ZMYND11: variants seen among roughly 807,000 people sequenced by gnomAD.
The protein encoded by ZMYND11 is zinc finger MYND domain-containing protein 11.
In ZMYND11, 9 loss-of-function variants were observed where a neutral mutation model predicts 84.9. That is an observed-to-expected ratio of 0.11 (90% CI 0.06 to 0.18). ZMYND11 has a LOEUF of 0.18. ZMYND11 is among the 10% of genes least tolerant of loss of function. The pLI, the probability that ZMYND11 is intolerant of heterozygous loss-of-function variation, is 1.00. For missense variants in ZMYND11, 409 were observed against 761.0 expected, an observed-to-expected ratio of 0.54 and a Z score of 5.44; for synonymous variants, 250 against 244.1, an observed-to-expected ratio of 1.02 and a Z score of -0.23.
intron 14 of ZMYND11, among the ~76,000 whole-genome samples, chr10:251,625 G>C (rs1953514871): frequency 6.6e-6 from 1 of 152,152 alleles, no homozygotes; most frequent in Non-Finnish European, 1.5e-5. Flanking sequence ...TCTGTTCATG[G>C]TACTACTGTT....
chr10:193,802 T>C (rs1828986085), intron 2 of ZMYND11, among the ~76,000 whole-genome samples: 1 of 152,238 alleles, frequency 6.6e-6, no homozygotes, highest in South Asian at 2.1e-4. Context: ...TTGCCTGTTT[T>C]AGAATTTTAT....
chr10:236,821 T>TC lies in ZMYND11; in HGVS notation c.439-16dup, dbSNP rs1256734005. 1 of 1,593,560 alleles carries TC rather than the reference T, an allele frequency of 6.3e-7. No homozygotes were observed. The highest frequency in any genetic ancestry group is 1.1e-5 in the South Asian group (1 of 89,132). ...GATCAGATTTTGTACCTTTTTTTATTCTTTTTTTTTCAATAGAGCATTAAG... is the reference window on the plus strand; with the variant it reads ...GATCAGATTTTGTACCTTTTTTTATTCCTTTTTTTTTCAATAGAGCATTAAG... On this transcript the variant is annotated splice_polypyrimidine_tract_variant and intron_variant, in intron 4 of 14. Transcript: ENST00000381604.
intron 2 of ZMYND11, among the ~76,000 whole-genome samples, chr10:183,329 T>G (rs1564334907): frequency 6.6e-6 from 1 of 152,084 alleles, no homozygotes; most frequent in Non-Finnish European, 1.5e-5. Context: ...GTTTAACCTG[T>G]TGCTCAGTCC....
intron 2 of ZMYND11, among the ~76,000 whole-genome samples, chr10:196,158 T>C (rs1370148856): frequency 6.6e-6 from 1 of 152,242 alleles, no homozygotes; most frequent in Non-Finnish European, 1.5e-5. Context: ...TATTTCTCTT[T>C]TCTTCTACTG....
At chr10:157,276 T>C (rs1426526253) in intron 1 of ZMYND11, among the ~76,000 whole-genome samples, 1 of 152,190 alleles carries the variant, frequency 6.6e-6, no homozygotes, top group East Asian at 1.9e-4. Context: ...CTCGGCTCAC[T>C]GCAACCTCTG....
At chr10:145,148 A>G (rs1193673095) in intron 1 of ZMYND11, among the ~76,000 whole-genome samples, 4 of 150,366 alleles carry the variant, frequency 2.7e-5, no homozygotes, top group Non-Finnish European at 3.0e-5. Context: ...ATATATGTGT[A>G]TATATATATG....
At chr10:184,953 C>T (rs184658287) in intron 2 of ZMYND11, among the ~76,000 whole-genome samples, 15 of 151,980 alleles carry the variant, frequency 9.9e-5, no homozygotes, top group Admixed American at 3.9e-4. Flanking sequence ...CAACTGACTG[C>T]GGTAGTAGTT....
At position 205,968 on chromosome 10, in the gene ZMYND11, G is replaced by T. The variant is rs987320813; in HGVS notation, c.117-3921G>T. ...TGTATGTCTTCTGGACCTATTAAAG[G>T]TGTTTTTTTGGTGTCAGGATAAATC... On this transcript the variant is annotated intron_variant, in intron 2 of 14. Coordinates refer to ENST00000381604, the MANE Select transcript of ZMYND11 (RefSeq NM_001370100.5). 2.0e-5 allele frequency among the ~76,000 whole-genome samples: 3 copies of T among 148,944 alleles called. No individual in the cohort carries two copies. In the South Asian group the frequency reaches 6.4e-4, roughly 32 times the overall value.
intron 1 of ZMYND11, among the ~76,000 whole-genome samples, chr10:159,292 T>A (rs1208804831): frequency 1.3e-5 from 2 of 152,102 alleles, no homozygotes; most frequent in African/African-American, 4.8e-5. Context: ...TAAATGTATA[T>A]GTAATTTTGG....
At chr10:217,683 G>A (rs1280354652) in intron 3 of ZMYND11, among the ~76,000 whole-genome samples, 3 of 152,004 alleles carry the variant, frequency 2.0e-5, no homozygotes, top group Non-Finnish European at 2.9e-5. Context: ...CACTTCCTGG[G>A]TGCTCACATT....
chr10:152,511 ACTAT>A (rs1341980065), intron 1 of ZMYND11, among the ~76,000 whole-genome samples: 1 of 152,234 alleles, frequency 6.6e-6, no homozygotes, highest in African/African-American at 2.4e-5. Flanking sequence ...AGAAGAGCTA[ACTAT>A]CCTAAATATA....
At chr10:131,421 T>G (rs1835310324), upstream of ZMYND11, among the ~76,000 whole-genome samples, 1 of 152,204 alleles carries the variant, frequency 6.6e-6, no homozygotes, top group Non-Finnish European at 1.5e-5. Context: ...GCACTGGAAC[T>G]AGGCCTGGCA....
intron 1 of ZMYND11, among the ~76,000 whole-genome samples, chr10:150,411 T>C (rs1840045053): frequency 1.3e-5 from 2 of 152,262 alleles, no homozygotes. Flanking sequence ...GAAGTGTTTA[T>C]AGTATTCTCT....
upstream of ZMYND11, among the ~76,000 whole-genome samples, chr10:132,560 G>A (rs1262525532): frequency 2.6e-5 from 4 of 152,174 alleles, no homozygotes; most frequent in East Asian, 3.9e-4. Flanking sequence ...GTGCTGTGAC[G>A]TTTACACTCA....
At chr10:174,689 C>G (rs900946433) in intron 1 of ZMYND11, among the ~76,000 whole-genome samples, 2 of 151,766 alleles carry the variant, frequency 1.3e-5, no homozygotes, top group African/African-American at 4.8e-5. Context: ...GTCATTCATA[C>G]ATTGGTCAAA....
chr10:185,824 AAAAAC>A (rs1564340563), intron 2 of ZMYND11, among the ~76,000 whole-genome samples: 2 of 150,596 alleles, frequency 1.3e-5, no homozygotes, highest in African/African-American at 4.9e-5. Flanking sequence ...AAAAAAACAA[AAAAAC>A]AAAAAAACAA....
At chr10:239,205 G>A (rs1442143946) in intron 6 of ZMYND11, among the ~76,000 whole-genome samples, 2 of 152,182 alleles carry the variant, frequency 1.3e-5, no homozygotes, top group Non-Finnish European at 2.9e-5. Context: ...ATAAATTAAT[G>A]TAGTGTCTTT....
chr10:155,289 A>G (rs547793647), intron 1 of ZMYND11, among the ~76,000 whole-genome samples: 1 of 152,328 alleles, frequency 6.6e-6, no homozygotes, highest in East Asian at 1.9e-4. Flanking sequence ...TTGTTAACAA[A>G]GAAGGGAACT....
chr10:170,452 G>GTGTGTGTT (rs1845048421), intron 1 of ZMYND11, among the ~76,000 whole-genome samples: 1 of 137,236 alleles, frequency 7.3e-6, no homozygotes, highest in Non-Finnish European at 1.6e-5. Context: ...GTGTGTGTGT[G>GTGTGTGTT]TGTGCGTGCT....
Sources: gnomAD v4.1 joint callset for allele counts (sites outside exome capture counted in the v4.1 genomes callset) on GRCh38, gnomAD v4.1.1 for gene constraint, MANE v1.5 for transcripts, NCBI Gene and HGNC (gene_info 2026-07-23, HGNC 2026-07-21) for gene names.